Variants in PRMT9 observed in about 807,000 individuals in gnomAD.
PRMT9 encodes protein arginine methyltransferase 9.
Under a neutral mutation model 83.2 loss-of-function variants are expected in PRMT9, and 59 were observed. The ratio of observed to expected loss-of-function variants is 0.71; its 90% CI spans 0.57 to 0.88. PRMT9 has a LOEUF of 0.88. PRMT9 is among the 40% of genes least tolerant of loss of function. The pLI is 0.00. For synonymous variants in PRMT9, 333 were observed against 353.2 expected (o/e 0.94, Z 0.64); for missense variants, 947 against 1,021.9 (o/e 0.93, Z 1.00).
At chr4:147,670,580 A>G in intron 5 of PRMT9, 61 bp downstream of exon 5, 1 of 1,053,680 alleles carries the variant, frequency 9.5e-7, no homozygotes, top group Non-Finnish European at 1.5e-6. Context: ...CTAAGGATTC[A>G]ATAAATCTCT....
At chr4:147,681,476 A>G (rs914426833) in intron 1 of PRMT9, among the ~76,000 whole-genome samples, 3 of 152,224 alleles carry the variant, frequency 2.0e-5, no homozygotes, top group African/African-American at 7.2e-5. Flanking sequence ...GGAGTTTACT[A>G]GAGAGACAAG....
At chr4:147,682,235 A>C (rs999773627) in intron 1 of PRMT9, among the ~76,000 whole-genome samples, 1 of 151,792 alleles carries the variant, frequency 6.6e-6, no homozygotes, top group Non-Finnish European at 1.5e-5. Flanking sequence ...GCTGGAGCGC[A>C]ATGGCGTGAT....
intron 7 of PRMT9, among the ~76,000 whole-genome samples, chr4:147,658,728 AT>A (rs1734712249): frequency 6.6e-6 from 1 of 152,216 alleles, no homozygotes; most frequent in South Asian, 2.1e-4. Context: ...GCAAGGCCAA[AT>A]TGTTAAATTA....
rs1431667555 is a variant in PRMT9 at position 147,658,961 on chromosome 4, CG to C, written c.1147-987del. Among the ~76,000 whole-genome samples, 9 of 152,110 alleles carry C rather than the reference CG, an allele frequency of 5.9e-5. No individual in the cohort carries two copies. The South Asian group carries it at 1.7e-3, about 28-fold the overall frequency. Reference sequence around the variant, plus strand: ...TTGGGAGGCCAAGGCGGACGGATCACGAGGCCAGGAGATTGAGACCATCCTG... The same window carrying C: ...TTGGGAGGCCAAGGCGGACGGATCACAGGCCAGGAGATTGAGACCATCCTG... On this transcript the variant is annotated intron_variant, in intron 7 of 11. Coordinates refer to ENST00000322396, the MANE Select transcript of PRMT9 (RefSeq NM_138364.4).
intron 7 of PRMT9, among the ~76,000 whole-genome samples, chr4:147,659,582 T>TTTTG (rs1553993124): frequency 7.4e-6 from 1 of 135,306 alleles, no homozygotes; most frequent in African/African-American, 3.0e-5. Context: ...TTCTTTTCTT[T>TTTTG]TTTTTTTTTT....
Position 147,659,579 on chromosome 4 carries a change from C to CT in PRMT9, c.1146+1266dup, listed in dbSNP as rs33942571. 4.5e-4 allele frequency among the ~76,000 whole-genome samples: 55 copies of CT among 121,622 alleles called. 3 individuals are homozygous for CT. Among genetic ancestry groups the CT allele is most frequent in the African/African-American group, 1.1e-3 (36 of 32,666 alleles). 79.8% of individuals were successfully genotyped at this position (121,622 alleles called of 152,430 possible). On this transcript the variant is annotated intron_variant, in intron 7 of 11. Coordinates refer to ENST00000322396, the MANE Select transcript of PRMT9 (RefSeq NM_138364.4). ...CCAATTTCTTTGGGCACTTTCTTTT[C>CT]TTTTTTTTTTTTTTCTGAGACGGAG...
At position 147,670,682 on chromosome 4, in the gene PRMT9, T is replaced by G. The variant is rs1262112147; in HGVS notation, c.805A>C (p.Ser269Arg). 1.2e-6 allele frequency: 2 copies of G among 1,613,454 alleles called. No individual in the cohort carries two copies. The highest frequency in any genetic ancestry group is 1.7e-6 in the Non-Finnish European group (2 of 1,179,636). Reference protein sequence around the residue: ...AGLFGEGIVESLIHAWEHLLL... With the variant: ...AGLFGEGIVERLIHAWEHLLL... ...AAATGCTCCCATGCATGAATCAAAC[T>G]CTCCACAATTCCTTCTCCAAATAAA... The change falls in exon 5 of 12, where the codon AGT (serine) becomes CGT (arginine). Residue 269 changes from serine (S) to arginine (R), a missense_variant. Transcript: ENST00000322396.
At chr4:147,639,221 A>G (rs768348451) in intron 10 of PRMT9, 139 bp from the exon 11 acceptor site, 86 of 730,678 alleles carry the variant, frequency 1.2e-4, no homozygotes, top group Non-Finnish European at 1.9e-4. Context: ...TGCTTTTTAC[A>G]TTACCTCCTT....
chr4:147,644,875 TA>T (rs1480798819), intron 9 of PRMT9, among the ~76,000 whole-genome samples: 2 of 152,226 alleles, frequency 1.3e-5, no homozygotes, highest in African/African-American at 4.8e-5. Context: ...GAGGATACTT[TA>T]AACCAAATAA....
At chr4:147,657,760 A>G in intron 8 of PRMT9, 32 bp downstream of exon 8, 1 of 1,562,344 alleles carries the variant, frequency 6.4e-7, no homozygotes, top group Non-Finnish European at 8.8e-7. Flanking sequence ...GATTAAAGCA[A>G]GAGGTTAAAA....
At chr4:147,649,030 C>G (rs561125965) in intron 9 of PRMT9, among the ~76,000 whole-genome samples, 1 of 152,142 alleles carries the variant, frequency 6.6e-6, no homozygotes, top group Non-Finnish European at 1.5e-5. Flanking sequence ...ACTTCAGAAC[C>G]ATCCATGCCT....
At chr4:147,670,822 AG>A in intron 4 of PRMT9, 79 bp from the exon 5 acceptor site, 1 of 917,356 alleles carries the variant, frequency 1.1e-6, no homozygotes, top group Admixed American at 1.7e-5. Context: ...GAGAGGAGAA[AG>A]GAAGAGTATA....
intron 8 of PRMT9, among the ~76,000 whole-genome samples, chr4:147,656,794 A>AC (rs1324847840): frequency 6.1e-5 from 9 of 147,342 alleles, no homozygotes; most frequent in Non-Finnish European, 1.4e-4. Flanking sequence ...AAAAAAAAAA[A>AC]AGAAAGAAAG....
rs35791735 is a variant in PRMT9, at chr4:147,673,750, T to TA, written c.462dup (p.Ile155TyrfsTer4). The TA allele has an allele frequency of 1.9e-6, 3 of 1,613,942 alleles. No homozygotes were observed. Among genetic ancestry groups the TA allele is most frequent in the Non-Finnish European group, 2.5e-6 (3 of 1,179,916 alleles). ...TTCCTCTTGGTGTCATTAAGCATGA[T>TA]AAAGTGCCAGCGTTCCACCAACCAG... On this transcript the variant is annotated frameshift_variant, in exon 3 of 12. Coordinates refer to ENST00000322396, the MANE Select transcript of PRMT9 (RefSeq NM_138364.4). LOFTEE classifies it high-confidence loss of function.
chr4:147,642,768 T>G lies in PRMT9; in HGVS notation c.2199+19A>C. 6.2e-7 allele frequency: 1 copy of G among 1,607,978 alleles called. No homozygotes were observed. Among genetic ancestry groups the G allele is most frequent in the South Asian group, 1.1e-5 (1 of 90,918 alleles). ...CTGTTCAACAGCATCCTGGTTGAACTTCTCCTCTAGACACTTACCTGAAAC... is the reference window on the plus strand; with the variant it reads ...CTGTTCAACAGCATCCTGGTTGAACGTCTCCTCTAGACACTTACCTGAAAC... On this transcript the variant is annotated intron_variant, in intron 10 of 11. Transcript: ENST00000322396.
intron 2 of PRMT9, among the ~76,000 whole-genome samples, chr4:147,678,221 T>A (rs950811585): frequency 6.6e-6 from 1 of 152,234 alleles, no homozygotes; most frequent in African/African-American, 2.4e-5. Context: ...AGTTCATTAT[T>A]CATAACATTA....
rs1458280729 is a variant in PRMT9, at chr4:147,683,819, C to T, written c.169G>A (p.Glu57Lys). ...HYLLVLSLAP[E>K]LKHDVKETFQ... ...CTCACCTTCACGTCGTGTTTCAGCT[C>T]CGGCGCCAGGCTGAGCACGAGGAGG... The change falls in exon 1 of 12, where the codon GAG becomes AAG. Residue 57 changes from glutamate (E) to lysine (K), a missense_variant. Transcript: ENST00000322396. 2 of 1,611,416 alleles carry T rather than the reference C, an allele frequency of 1.2e-6. No individual in the cohort carries two copies. Among genetic ancestry groups the T allele is most frequent in the African/African-American group, 2.7e-5 (2 of 74,494 alleles).
chr4:147,654,488 C>G lies in PRMT9; in HGVS notation c.1409G>C (p.Ser470Thr). The change falls in exon 9 of 12, where the codon AGT (serine) becomes ACT (threonine). Residue 470 changes from serine to threonine, a missense_variant. Transcript: ENST00000322396. ...QDCYLRIQSI[S>T]VLGLECEMDV... ...CATTTCACATTCCAAACCCAAGACA[C>G]TAATACTCTGGATTCTTAAGTAACA... The G allele has an allele frequency of 6.2e-7, 1 of 1,613,974 alleles. No homozygotes were observed. The highest frequency in any genetic ancestry group is 2.2e-5 in the East Asian group (1 of 44,870).
At chr4:147,679,750 C>CA (rs201331763) in intron 2 of PRMT9, among the ~76,000 whole-genome samples, 4 of 151,432 alleles carry the variant, frequency 2.6e-5, no homozygotes, top group Non-Finnish European at 4.4e-5. Context: ...ACTCTGCCCC[C>CA]AAAAAAAACA....
Sources: gnomAD v4.1 joint callset for allele counts (sites outside exome capture counted in the v4.1 genomes callset) on GRCh38, gnomAD v4.1.1 for gene constraint, MANE v1.5 for transcripts, NCBI Gene and HGNC (gene_info 2026-07-23, HGNC 2026-07-21) for gene names.